LRRC20: variants seen among roughly 807,000 people sequenced by gnomAD.
The protein encoded by LRRC20 is leucine-rich repeat-containing protein 20.
A neutral mutation model predicts 14.4 loss-of-function variants in LRRC20; 11 were observed. The observed-to-expected ratio is 0.77, with a 90% CI of 0.48 to 1.27. The LOEUF (loss-of-function observed/expected upper bound fraction) is 1.27, where lower values mean the gene tolerates loss of function less well. Ranked by LOEUF, LRRC20 falls within the 50% of genes most tolerant of loss-of-function variation. The probability of loss-of-function intolerance (pLI) is 0.00; values close to 1 mark genes in which losing one functional copy is unlikely to be tolerated. For synonymous variants in LRRC20, 121 were observed against 107.3 expected (o/e 1.13, Z -0.79); for missense variants, 219 against 251.2 (o/e 0.87, Z 0.87).
chr10:70,338,267 C>T (rs1238683579), intron 3 of LRRC20, among the ~76,000 whole-genome samples: 2 of 152,296 alleles, frequency 1.3e-5, no homozygotes, highest in East Asian at 1.9e-4. Flanking sequence ...GAGCCACTGT[C>T]CCTGCACTGT....
chr10:70,334,211 C>A (rs1400294566), intron 3 of LRRC20, among the ~76,000 whole-genome samples: 1 of 151,728 alleles, frequency 6.6e-6, no homozygotes, highest in Non-Finnish European at 1.5e-5. Flanking sequence ...CATGCTACAA[C>A]CAAACCTAAG....
At chr10:70,353,120 T>C (rs1843381939) in intron 2 of LRRC20, among the ~76,000 whole-genome samples, 1 of 152,118 alleles carries the variant, frequency 6.6e-6, no homozygotes, top group Non-Finnish European at 1.5e-5. Flanking sequence ...TGACACCAGG[T>C]GTGTTCCAGA....
chr10:70,367,299 A>G (rs1428862937), intron 2 of LRRC20, among the ~76,000 whole-genome samples: 1 of 139,494 alleles, frequency 7.2e-6, no homozygotes. Context: ...ACTGCACTCT[A>G]GCCTGGGCAA....
At chr10:70,373,150 A>T (rs1456450596) in intron 2 of LRRC20, among the ~76,000 whole-genome samples, 1 of 152,210 alleles carries the variant, frequency 6.6e-6, no homozygotes, top group Non-Finnish European at 1.5e-5. Context: ...AAATTTATTT[A>T]AGCAATTTTC....
At chr10:70,360,556 T>C (rs187301307) in intron 2 of LRRC20, among the ~76,000 whole-genome samples, 2 of 152,242 alleles carry the variant, frequency 1.3e-5, no homozygotes, top group African/African-American at 2.4e-5. Flanking sequence ...CCTGCTTCAG[T>C]TTCCTGAGTA....
Position 70,376,470 on chromosome 10 carries a change from T to G in LRRC20, c.64A>C (p.Ser22Arg), listed in dbSNP as rs767266589. 31 of 1,613,928 alleles carry G rather than the reference T, an allele frequency of 1.9e-5. No individual in the cohort carries two copies. The highest frequency in any genetic ancestry group is 1.6e-4 in the Middle Eastern group (1 of 6,084). ...CACTCACCCAGAGTGTCAGAGCCGC[T>G]CTCCACCGTCTCGTTGACCTTCCTT... ...VARKVNETVE[S>R]GSDTLDLAEC... Residue 22 changes from serine to arginine, a missense_variant, in exon 2 of 5, where the codon AGC becomes CGC. Transcript: ENST00000446961.
intron 2 of LRRC20, among the ~76,000 whole-genome samples, chr10:70,350,585 T>C (rs978622056): frequency 7.2e-5 from 11 of 152,050 alleles, no homozygotes; most frequent in African/African-American, 2.7e-4. Context: ...CATGGTGACT[T>C]AGAAATATAG....
At chr10:70,312,400 C>T (rs1334455454) in intron 4 of LRRC20, among the ~76,000 whole-genome samples, 3 of 152,158 alleles carry the variant, frequency 2.0e-5, no homozygotes, top group African/African-American at 4.8e-5. Context: ...CAGACCACTC[C>T]ACCACACCCT....
intron 4 of LRRC20, among the ~76,000 whole-genome samples, chr10:70,305,555 C>T (rs1229413746): frequency 6.6e-6 from 1 of 152,098 alleles, no homozygotes; most frequent in Non-Finnish European, 1.5e-5. Flanking sequence ...CGTTTTTATT[C>T]AAATGTCTTT....
At chr10:70,366,795 C>T (rs1004003709) in intron 2 of LRRC20, among the ~76,000 whole-genome samples, 1 of 152,036 alleles carries the variant, frequency 6.6e-6, no homozygotes, top group Admixed American at 6.6e-5. Context: ...AAAAGCAATA[C>T]AACTATTTAC....
At chr10:70,308,591 G>A (rs1841515965) in intron 4 of LRRC20, among the ~76,000 whole-genome samples, 2 of 152,094 alleles carry the variant, frequency 1.3e-5, no homozygotes, top group Admixed American at 6.5e-5. Context: ...AAGAAGACTG[G>A]CTATAGGGCA....
chr10:70,311,277 G>T (rs187635345), intron 4 of LRRC20, among the ~76,000 whole-genome samples: 1,738 of 140,698 alleles, frequency 0.012, 40 homozygotes, highest in African/African-American at 0.035. Context: ...TGCCCAGGCT[G>T]GGGTGCAATG....
intron 4 of LRRC20, among the ~76,000 whole-genome samples, chr10:70,311,815 T>C (rs1375832149): frequency 1.3e-5 from 2 of 152,200 alleles, no homozygotes; most frequent in African/African-American, 4.8e-5. Context: ...CCTCCCACTG[T>C]AGACAGCCAC....
chr10:70,376,376 T>C (rs999080932), intron 2 of LRRC20, 76 bp downstream of exon 2: 3 of 1,452,656 alleles, frequency 2.1e-6, no homozygotes, highest in Non-Finnish European at 2.9e-6. Flanking sequence ...GCTTGTGTCT[T>C]TCATCTCTGT....
Position 70,300,055 on chromosome 10 carries a change from G to T in LRRC20, c.*1299C>A, listed in dbSNP as rs1349828139. ...CACAGGATTTGGACGGCCTGGCTTT[G>T]CCTCAAGCTCTGGGGCCTCAGGTGT... On this transcript the variant is annotated 3_prime_UTR_variant, in exon 5 of 5. Transcript: ENST00000446961. 6.6e-6 allele frequency: 1 copy of T among 152,474 alleles called. No individual in the cohort carries two copies. Among genetic ancestry groups the T allele is most frequent in the African/African-American group, 2.4e-5 (1 of 41,450 alleles). 9.4% of individuals were successfully genotyped at this position (152,474 alleles called of 1,614,324 possible).
chr10:70,306,021 G>T (rs571415318), intron 4 of LRRC20, among the ~76,000 whole-genome samples: 1 of 152,108 alleles, frequency 6.6e-6, no homozygotes, highest in Non-Finnish European at 1.5e-5. Context: ...ATTCCAAGGC[G>T]TGAGCCACTG....
rs148026278 is a variant in LRRC20, at chr10:70,301,435, G to A, written c.474C>T (p.Ala158=). 91 of 1,613,826 alleles carry A rather than the reference G, an allele frequency of 5.6e-5. No homozygotes were observed. The highest frequency in any genetic ancestry group is 4.9e-4 in the Middle Eastern group (3 of 6,082). The change falls in exon 5 of 5, where the codon GCC becomes GCT. Residue 158 remains alanine (A), a synonymous_variant. Transcript: ENST00000446961. ...SINLRFNPLN[A]EVRVIAPPLI... ...GCGGCGGGGCGATCACGCGCACCTC[G>A]GCGTTGAGTGGGTTGAAGCGGAGGT...
At chr10:70,304,317 G>A (rs1486111291) in intron 4 of LRRC20, among the ~76,000 whole-genome samples, 1 of 151,956 alleles carries the variant, frequency 6.6e-6, no homozygotes, top group Non-Finnish European at 1.5e-5. Flanking sequence ...GCCAGCTCCT[G>A]TCCTCTCCTA....
intron 2 of LRRC20, among the ~76,000 whole-genome samples, chr10:70,358,627 C>T (rs12769786): frequency 0.14 from 21,439 of 152,166 alleles, 1,675 homozygotes; most frequent in South Asian, 0.29. Context: ...TGGCTGGCCT[C>T]AACCACCTGC....
Sources: gnomAD v4.1 joint callset for allele counts (sites outside exome capture counted in the v4.1 genomes callset) on GRCh38, gnomAD v4.1.1 for gene constraint, MANE v1.5 for transcripts, NCBI Gene and HGNC (gene_info 2026-07-23, HGNC 2026-07-21) for gene names.